CREM: variants seen among roughly 807,000 people sequenced by gnomAD.
The protein encoded by CREM is cAMP responsive element modulator, also known as cAMP-responsive element modulator.
CREM carries 13 observed loss-of-function variants against 37.3 expected under a neutral mutation model. That is an observed-to-expected ratio of 0.35 (90% CI 0.23 to 0.55). The LOEUF is 0.55. Among genes scored for constraint, CREM ranks in the 20% least tolerant of loss-of-function variants. The pLI is 0.88. For missense variants in CREM, 296 were observed against 362.3 expected (o/e 0.82, Z 1.49); for synonymous variants, 124 against 120.2 (o/e 1.03, Z -0.21).
At chr10:35,132,149 C>T (rs758752725) in intron 1 of CREM, among the ~76,000 whole-genome samples, 18 of 145,518 alleles carry the variant, frequency 1.2e-4, no homozygotes, top group Admixed American at 7.2e-4. Context: ...TGCAGTGAGC[C>T]GAGATCGTGC....
At chr10:35,148,163 T>C (rs575616250) in intron 2 of CREM, among the ~76,000 whole-genome samples, 1 of 152,242 alleles carries the variant, frequency 6.6e-6, no homozygotes, top group Non-Finnish European at 1.5e-5. Context: ...ATATTTTTAA[T>C]GATTTTGTAC....
intron 1 of CREM, among the ~76,000 whole-genome samples, chr10:35,128,746 C>T (rs924760423): frequency 2.6e-5 from 4 of 151,986 alleles, no homozygotes; most frequent in South Asian, 2.1e-4. Context: ...AGGATGGTCT[C>T]GATCTCCTGA....
intron 3 of CREM, among the ~76,000 whole-genome samples, chr10:35,163,908 G>A (rs2093413641): frequency 6.6e-6 from 1 of 151,814 alleles, no homozygotes; most frequent in Non-Finnish European, 1.5e-5. Flanking sequence ...AGGCTGAGGT[G>A]GGAGGATCGC....
At position 35,211,955 on chromosome 10, in the gene CREM, T is replaced by A; in HGVS notation, c.*557T>A. On this transcript the variant is annotated 3_prime_UTR_variant, in exon 8 of 8. Coordinates refer to ENST00000685392, the MANE Select transcript of CREM (RefSeq NM_183011.2). ...CCTAAAATGCTTCACTGTACGTAGT[T>A]AAGTCGTAGCTATAACTTCAAATTT... 1 of 736,562 alleles carries A rather than the reference T, an allele frequency of 1.4e-6. No individual in the cohort carries two copies. Among genetic ancestry groups the A allele is most frequent in the Non-Finnish European group, 2.0e-6 (1 of 504,424 alleles). The allele number at this position is 736,562 out of a possible 1,614,324, so 45.6% of individuals were successfully genotyped here.
At chr10:35,200,432 T>C (rs905898295) in intron 6 of CREM, among the ~76,000 whole-genome samples, 1 of 152,222 alleles carries the variant, frequency 6.6e-6, no homozygotes, top group Non-Finnish European at 1.5e-5. Context: ...GTATATACAG[T>C]TTTTGTCAAT....
At chr10:35,211,113 G>A in intron 7 of CREM, 141 bp from the exon 8 acceptor site, 1 of 727,666 alleles carries the variant, frequency 1.4e-6, no homozygotes, top group Non-Finnish European at 2.1e-6. Context: ...GCATGTGCCT[G>A]GTTATGTTTG....
At chr10:35,191,118 GT>G (rs1401454372) in intron 6 of CREM, among the ~76,000 whole-genome samples, 6 of 48,618 alleles carry the variant, frequency 1.2e-4, no homozygotes, top group African/African-American at 4.5e-4. Flanking sequence ...TATACTTTAA[GT>G]TTTAGGGAAC....
intron 6 of CREM, among the ~76,000 whole-genome samples, chr10:35,194,467 TATC>T (rs1774215079): frequency 6.6e-6 from 1 of 152,216 alleles, no homozygotes; most frequent in Non-Finnish European, 1.5e-5. Context: ...AAAGTTCAAA[TATC>T]AGCAAGTTCA....
At chr10:35,162,566 C>T (rs1460620350) in intron 3 of CREM, among the ~76,000 whole-genome samples, 1 of 152,092 alleles carries the variant, frequency 6.6e-6, no homozygotes, top group African/African-American at 2.4e-5. Flanking sequence ...AAAGTAAGAA[C>T]ATTTAAAAGG....
At chr10:35,162,456 A>G (rs1381321959) in intron 3 of CREM, among the ~76,000 whole-genome samples, 1 of 152,170 alleles carries the variant, frequency 6.6e-6, no homozygotes. Context: ...AGGTAATGCT[A>G]TTATTAATTA....
chr10:35,141,558 C>T (rs1250482887), intron 2 of CREM, among the ~76,000 whole-genome samples: 4 of 152,008 alleles, frequency 2.6e-5, no homozygotes, highest in African/African-American at 7.3e-5. Flanking sequence ...ATAGGGAACT[C>T]GGGTAGAAAG....
rs559046790 is a variant in CREM, at chr10:35,139,152, G to C, written c.44+1273G>C. Among the ~76,000 whole-genome samples the C allele has an allele frequency of 2.3e-4, 35 of 149,372 alleles. No homozygotes were observed. In the South Asian group the frequency reaches 7.2e-3, roughly 31 times the overall value. ...ATTTTTTTTTTTTTTGAGACACAGT[G>C]TCACTGTGTCCAGGCTGGATTGTAG... is the stretch of plus-strand genomic sequence containing the variant. On this transcript the variant is annotated intron_variant, in intron 2 of 7. Transcript: ENST00000685392.
intron 6 of CREM, among the ~76,000 whole-genome samples, chr10:35,194,005 G>A (rs1361876856): frequency 1.4e-5 from 2 of 146,506 alleles, no homozygotes; most frequent in African/African-American, 5.1e-5. Flanking sequence ...GCTGAGGCAG[G>A]AGAATCATTT....
chr10:35,201,953 AC>A (rs1377566673), intron 6 of CREM, among the ~76,000 whole-genome samples: 1 of 152,226 alleles, frequency 6.6e-6, no homozygotes, highest in African/African-American at 2.4e-5. Context: ...CATACAGCAC[AC>A]ATTAACTCAT....
In CREM at chr10:35,206,922, A is replaced by G. The variant is rs1804604; in HGVS notation, c.626A>G (p.Gln209Arg). The G allele has an allele frequency of 6.2e-7, 1 of 1,613,842 alleles. No homozygotes were observed. The highest frequency in any genetic ancestry group is 2.2e-5 in the East Asian group (1 of 44,890). The change falls in exon 7 of 8, where the codon CAG becomes CGG. Residue 209 changes from glutamine to arginine, a missense_variant. Physicochemically the swap from Gln to Arg is conservative, Grantham distance 43 (BLOSUM62 1). This residue lies in a region of CREM where 257 missense variants were observed against 280.2 expected (regional missense o/e 0.92). Coordinates refer to ENST00000685392, the MANE Select transcript of CREM (RefSeq NM_183011.2). Reference sequence around the variant, plus strand: ...GCCACTGGTGACATGCCAACTTACCAGATCCGAGCTCCTACTGCTGCTTTG... The same window carrying G: ...GCCACTGGTGACATGCCAACTTACCGGATCCGAGCTCCTACTGCTGCTTTG... The part of the protein sequence containing the change: ...QAATGDMPTY[Q>R]IRAPTAALPQ...
chr10:35,130,306 A>G (rs2089108978), intron 1 of CREM, among the ~76,000 whole-genome samples: 1 of 152,134 alleles, frequency 6.6e-6, no homozygotes, highest in African/African-American at 2.4e-5. Flanking sequence ...TTTAGACAAT[A>G]CATTTTAAAT....
At position 35,207,075 on chromosome 10, in the gene CREM, G is replaced by C. The variant is rs1450470035; in HGVS notation, c.755+24G>C. On this transcript the variant is annotated intron_variant, in intron 7 of 7. Transcript: ENST00000685392. ...AGGTGAGGTGTTGCACAGGGAATCG[G>C]TAACTTCTAGGACACTTTTTAAAAA... The C allele has an allele frequency of 2.5e-6, 4 of 1,605,532 alleles. No individual in the cohort carries two copies. In the African/African-American group the frequency reaches 5.4e-5, roughly 22 times the overall value.
At chr10:35,133,778 G>A (rs2089905492) in intron 1 of CREM, among the ~76,000 whole-genome samples, 1 of 152,200 alleles carries the variant, frequency 6.6e-6, no homozygotes, top group Admixed American at 6.5e-5. Context: ...GGCACAATCA[G>A]GTTTGGTGAC....
chr10:35,129,764 A>G (rs1470811501), intron 1 of CREM, among the ~76,000 whole-genome samples: 1 of 151,978 alleles, frequency 6.6e-6, no homozygotes, highest in Non-Finnish European at 1.5e-5. Context: ...ATTGATTGAT[A>G]AGGAAATAAG....
Sources: allele counts gnomAD v4.1 joint callset (sites outside exome capture counted in the v4.1 genomes callset), GRCh38; gene constraint gnomAD v4.1.1; regional missense constraint gnomAD v4.1.1; transcripts MANE v1.5; gene names NCBI Gene and HGNC (gene_info 2026-07-23, HGNC 2026-07-21).